RTP2: variants seen among roughly 807,000 people sequenced by gnomAD.
The protein encoded by RTP2 is receptor-transporting protein 2.
A neutral mutation model predicts 17.9 loss-of-function variants in RTP2; 12 were observed. The ratio of observed to expected loss-of-function variants is 0.67; its 90% confidence interval spans 0.43 to 1.09. The LOEUF (loss-of-function observed/expected upper bound fraction) is 1.09. Ranked by LOEUF, RTP2 falls within the 50% of genes least tolerant of loss-of-function variation. The pLI is 0.00. For missense variants in RTP2, 327 were observed against 295.7 expected (o/e 1.11, Z -0.78); for synonymous variants, 126 against 117.7 (o/e 1.07, Z -0.46).
At chr3:187,699,152 A>C (rs1434474377) in intron 1 of RTP2, 141 bp from the exon 2 acceptor site, 4 of 1,057,366 alleles carry the variant, frequency 3.8e-6, no homozygotes, top group Non-Finnish European at 5.3e-6. Flanking sequence ...ATTCATTAGC[A>C]CTCCAAGGCC....
At chr3:187,703,848 A>AT (rs752048380), upstream of RTP2, among the ~76,000 whole-genome samples, 102 of 151,218 alleles carry the variant, frequency 6.7e-4, no homozygotes, top group South Asian at 0.011. Flanking sequence ...GTTTACCTGT[A>AT]TTTTCTTTTT....
the RTP2 span, among the ~76,000 whole-genome samples, chr3:187,712,032 G>C: frequency 6.6e-6 from 1 of 152,178 alleles, no homozygotes; most frequent in African/African-American, 2.4e-5. Context: ...AATGGTCTTC[G>C]AGATGATGGA....
the RTP2 span, among the ~76,000 whole-genome samples, chr3:187,709,131 T>C: frequency 6.6e-6 from 1 of 152,208 alleles, no homozygotes; most frequent in Non-Finnish European, 1.5e-5. Context: ...TTTTCCAAGT[T>C]ACTATTGTTA....
At chr3:187,711,204 A>G in the RTP2 span, among the ~76,000 whole-genome samples, 3,878 of 152,254 alleles carry the variant, frequency 0.025, 115 homozygotes, top group Admixed American at 0.088. Context: ...CTATTTTTAA[A>G]TGCATTCAGT....
exon 1 of RTP2, chr3:187,702,127 A>G: frequency 6.2e-7 from 1 of 1,602,774 alleles, no homozygotes; most frequent in Non-Finnish European, 8.5e-7. Context: ...GCTGGTACAC[A>G]TGGTCCTGCT....
At position 187,702,228 on chromosome 3, in the gene RTP2, C is replaced by A; in HGVS notation, c.-100G>T. The A allele has an allele frequency of 8.1e-7, 1 of 1,237,350 alleles. No homozygotes were observed. The highest frequency in any genetic ancestry group is 2.3e-5 in the East Asian group (1 of 42,592). The allele number at this position is 1,237,350 out of a possible 1,614,324, so 76.6% of individuals were successfully genotyped here. A position where few individuals can be genotyped will look rare whatever the true frequency, so the allele number is the denominator to read the frequency against. On this transcript the variant is annotated 5_prime_UTR_variant, in exon 1 of 2. In the 5' UTR this introduces an upstream ATG that the reference lacks. Transcript: ENST00000358241. ...CAATTCAGTGTCTACGGTCAGAATC[C>A]TCATCGGCAGGACTGGGAGTAAACA... is the stretch of plus-strand genomic sequence containing the variant.
At chr3:187,703,207 G>A (rs1414205674), upstream of RTP2, among the ~76,000 whole-genome samples, 2 of 152,210 alleles carry the variant, frequency 1.3e-5, no homozygotes, top group African/African-American at 4.8e-5. Context: ...CCTAGCTTTG[G>A]TCCAACTTCC....
chr3:187,705,315 A>G (rs1717964582), upstream of RTP2, among the ~76,000 whole-genome samples: 1 of 152,154 alleles, frequency 6.6e-6, no homozygotes, highest in African/African-American at 2.4e-5. Context: ...AGAACCTGCT[A>G]GTTTCTGTTG....
chr3:187,698,669 C>A, exon 2 of RTP2: 1 of 1,614,222 alleles, frequency 6.2e-7, no homozygotes, highest in Non-Finnish European at 8.5e-7. Flanking sequence ...CCAGCAGCTT[C>A]TCGCTGGGCT....
intron 1 of RTP2, among the ~76,000 whole-genome samples, chr3:187,699,659 G>A (rs1457497269): frequency 6.6e-6 from 1 of 151,252 alleles, no homozygotes; most frequent in Non-Finnish European, 1.5e-5. Context: ...CTCTTGACAA[G>A]TCTTCTCTAG....
At chr3:187,713,287 A>G in the RTP2 span, among the ~76,000 whole-genome samples, 1 of 152,154 alleles carries the variant, frequency 6.6e-6, no homozygotes, top group African/African-American at 2.4e-5. Context: ...GAGAATACCA[A>G]CCCTAAAAGC....
At chr3:187,707,037 G>T (rs889959578), upstream of RTP2, among the ~76,000 whole-genome samples, 4 of 152,108 alleles carry the variant, frequency 2.6e-5, no homozygotes, top group African/African-American at 4.8e-5. Flanking sequence ...TTATATGAAG[G>T]CTCATTCATT....
chr3:187,699,074 C>A, intron 1 of RTP2, 63 bp from the exon 2 acceptor site: 2 of 1,492,446 alleles, frequency 1.3e-6, no homozygotes, highest in Non-Finnish European at 8.9e-7. Flanking sequence ...CCCTGAGAAG[C>A]TCTGAGAGGG....
rs1173159487 is a variant in RTP2 at position 187,701,947 on chromosome 3, C to T, written c.164+18G>A. The T allele has an allele frequency of 2.6e-6, 4 of 1,562,050 alleles. No individual in the cohort carries two copies. The highest frequency in any genetic ancestry group is 3.5e-6 in the Non-Finnish European group (4 of 1,150,388). The stretch of plus-strand genomic sequence containing the variant: ...CCCAGGGGCTGTCTGCAAGGTCCCT[C>T]CCCACTGAACCTCTCACCTGCCTGA... On this transcript the variant is annotated intron_variant, in intron 1 of 1. Transcript: ENST00000358241.
chr3:187,704,182 A>T (rs1717932329), upstream of RTP2, among the ~76,000 whole-genome samples: 1 of 152,238 alleles, frequency 6.6e-6, no homozygotes, highest in African/African-American at 2.4e-5. Context: ...AATACTGAGC[A>T]CCTGTATTCT....
intron 1 of RTP2, among the ~76,000 whole-genome samples, chr3:187,701,707 T>C (rs1717851445): frequency 6.6e-6 from 1 of 152,204 alleles, no homozygotes; most frequent in South Asian, 2.1e-4. Flanking sequence ...ACATAGATGA[T>C]ATTACAGCTC....
the RTP2 span, among the ~76,000 whole-genome samples, chr3:187,713,919 TCTC>T: frequency 6.6e-6 from 1 of 152,118 alleles, no homozygotes; most frequent in Non-Finnish European, 1.5e-5. Flanking sequence ...CAGACCCTAT[TCTC>T]CTGCCTCACA....
exon 1 of RTP2, chr3:187,702,554 C>G (rs1227416863): frequency 2.2e-6 from 1 of 457,710 alleles, no homozygotes; most frequent in Non-Finnish European, 4.4e-6. Context: ...GTACGACACC[C>G]TAGGAAGTCA....
exon 1 of RTP2, chr3:187,702,057 C>A: frequency 1.2e-6 from 2 of 1,613,726 alleles, no homozygotes; most frequent in Non-Finnish European, 1.7e-6. Context: ...CCCAGCTGTC[C>A]GCTGGCTTTG....
Sources: allele counts gnomAD v4.1 joint callset (sites outside exome capture counted in the v4.1 genomes callset), GRCh38; gene constraint gnomAD v4.1.1; transcripts MANE v1.5; gene names NCBI Gene and HGNC (gene_info 2026-07-23, HGNC 2026-07-21).